SLC9A9: variants seen among roughly 807,000 people sequenced by gnomAD.
SLC9A9 encodes the protein solute carrier family 9 member A9.
Under a neutral mutation model 77.8 loss-of-function variants are expected in SLC9A9, and 62 were observed. The ratio of observed to expected loss-of-function variants is 0.80; its 90% CI spans 0.65 to 0.98. The LOEUF is 0.98. Ranked by LOEUF, SLC9A9 falls within the 50% of genes least tolerant of loss-of-function variation. SLC9A9 has a pLI of 0.00. For synonymous variants in SLC9A9, 320 were observed against 283.5 expected, an observed-to-expected ratio of 1.13 and a Z score of -1.29; for missense variants, 775 against 774.9, an observed-to-expected ratio of 1.00 and a Z score of 0.00.
At chr3:143,846,730 G>A (rs888523232) in intron 1 of SLC9A9, among the ~76,000 whole-genome samples, 5 of 13,106 alleles carry the variant, frequency 3.8e-4, no homozygotes, top group Non-Finnish European at 8.2e-4. Flanking sequence ...AGCAAAAAAA[G>A]GTTTTTTTTT....
At chr3:143,625,717 T>C (rs556426080) in intron 6 of SLC9A9, among the ~76,000 whole-genome samples, 2 of 152,314 alleles carry the variant, frequency 1.3e-5, no homozygotes, top group East Asian at 1.9e-4. Context: ...AAAGACTTCA[T>C]GTCTAAAACA....
chr3:143,822,186 C>A (rs1293191688), intron 2 of SLC9A9, among the ~76,000 whole-genome samples: 2 of 152,190 alleles, frequency 1.3e-5, no homozygotes, highest in Non-Finnish European at 2.9e-5. Flanking sequence ...GTTGGGCCTG[C>A]ATCTCAGCTT....
At position 143,461,111 on chromosome 3, in the gene SLC9A9, A is replaced by G. The variant is rs1049134875; in HGVS notation, c.1469+5926T>C. 2.6e-5 allele frequency among the ~76,000 whole-genome samples: 4 copies of G among 152,230 alleles called. No homozygotes were observed. In the East Asian group the frequency reaches 7.7e-4, roughly 29 times the overall value. On this transcript the variant is annotated intron_variant, in intron 12 of 15. Coordinates refer to ENST00000316549, the MANE Select transcript of SLC9A9 (RefSeq NM_173653.4). The stretch of plus-strand genomic sequence containing the variant: ...AATATAATACAATCAATACAGCTTG[A>G]TGAAATGTTACAAATTAAATATCTA...
At chr3:143,780,941 G>T (rs2007853600) in intron 4 of SLC9A9, among the ~76,000 whole-genome samples, 1 of 152,046 alleles carries the variant, frequency 6.6e-6, no homozygotes, top group Non-Finnish European at 1.5e-5. Flanking sequence ...TTTTTTAGTT[G>T]TTTTAGGCTT....
intron 4 of SLC9A9, among the ~76,000 whole-genome samples, chr3:143,694,476 A>G (rs986248956): frequency 2.6e-5 from 4 of 152,172 alleles, no homozygotes; most frequent in South Asian, 4.1e-4. Flanking sequence ...CAAATTCTCA[A>G]TGAGGTCACT....
intron 4 of SLC9A9, among the ~76,000 whole-genome samples, chr3:143,718,422 T>C (rs1302911406): frequency 6.6e-6 from 1 of 152,292 alleles, no homozygotes; most frequent in Admixed American, 6.5e-5. Flanking sequence ...ACCAACAGCA[T>C]CCTCACAGAA....
intron 5 of SLC9A9, among the ~76,000 whole-genome samples, chr3:143,664,201 C>A (rs544358040): frequency 4.6e-5 from 7 of 152,284 alleles, no homozygotes; most frequent in African/African-American, 1.7e-4. Context: ...AAAGAATTTT[C>A]AACCCAGAAT....
chr3:143,425,646 A>G (rs1295479199), intron 12 of SLC9A9, among the ~76,000 whole-genome samples: 1 of 152,168 alleles, frequency 6.6e-6, no homozygotes, highest in Non-Finnish European at 1.5e-5. Flanking sequence ...ATATTTTGCA[A>G]GTCCTTTTTG....
At chr3:143,640,070 G>A (rs1398474804) in intron 6 of SLC9A9, among the ~76,000 whole-genome samples, 2 of 139,720 alleles carry the variant, frequency 1.4e-5, no homozygotes, top group Admixed American at 7.7e-5. Flanking sequence ...CACCCAGGCT[G>A]GAGTGCAGTG....
chr3:143,531,453 A>G (rs896697576), intron 9 of SLC9A9, among the ~76,000 whole-genome samples: 4 of 152,258 alleles, frequency 2.6e-5, no homozygotes, highest in African/African-American at 9.6e-5. Context: ...TAAAACCATG[A>G]GCCATCACAG....
intron 9 of SLC9A9, among the ~76,000 whole-genome samples, chr3:143,551,003 A>C (rs891760360): frequency 6.6e-6 from 1 of 152,214 alleles, no homozygotes; most frequent in African/African-American, 2.4e-5. Flanking sequence ...TTGTAAATGT[A>C]ATCAGCTAAG....
At chr3:143,396,282 A>T in intron 12 of SLC9A9, among the ~76,000 whole-genome samples, 1 of 152,242 alleles carries the variant, frequency 6.6e-6, no homozygotes, top group Non-Finnish European at 1.5e-5. Context: ...AAAAATGATG[A>T]GTTCCTGTCC....
chr3:143,654,351 C>T (rs919266090), intron 5 of SLC9A9, among the ~76,000 whole-genome samples: 2 of 152,096 alleles, frequency 1.3e-5, no homozygotes, highest in African/African-American at 4.8e-5. Flanking sequence ...TGGCCAGATC[C>T]CATTTTATCA....
intron 12 of SLC9A9, among the ~76,000 whole-genome samples, chr3:143,409,640 T>C (rs180705637): frequency 1.3e-3 from 192 of 152,358 alleles, no homozygotes; most frequent in Non-Finnish European, 2.2e-3. Context: ...AAGCACAGGA[T>C]AGAAGCGATT....
intron 8 of SLC9A9, among the ~76,000 whole-genome samples, chr3:143,568,554 G>A (rs1477212790): frequency 6.6e-6 from 1 of 152,124 alleles, no homozygotes; most frequent in Admixed American, 6.6e-5. Context: ...TTGACGTATG[G>A]ATCTGCTGTG....
At chr3:143,542,910 G>A (rs1057090419) in intron 9 of SLC9A9, among the ~76,000 whole-genome samples, 5 of 152,182 alleles carry the variant, frequency 3.3e-5, no homozygotes, top group African/African-American at 4.8e-5. Context: ...TATGTCTGGA[G>A]TCACAGAAGG....
At chr3:143,667,232 A>C (rs1047417408) in intron 5 of SLC9A9, among the ~76,000 whole-genome samples, 1 of 152,268 alleles carries the variant, frequency 6.6e-6, no homozygotes, top group Admixed American at 6.5e-5. Flanking sequence ...AAATGGGGAA[A>C]GGATTCCCTA....
At chr3:143,308,289 G>T (rs1294549758) in intron 14 of SLC9A9, among the ~76,000 whole-genome samples, 1 of 152,082 alleles carries the variant, frequency 6.6e-6, no homozygotes, top group African/African-American at 2.4e-5. Context: ...AAAAATTAAG[G>T]ATTTCAGCCA....
chr3:143,838,524 A>G (rs2009630078), intron 1 of SLC9A9, among the ~76,000 whole-genome samples: 1 of 152,152 alleles, frequency 6.6e-6, no homozygotes, highest in African/African-American at 2.4e-5. Flanking sequence ...GCATTTAGAG[A>G]TAATTATTTG....
Sources: allele counts gnomAD v4.1 joint callset (sites outside exome capture counted in the v4.1 genomes callset), GRCh38; gene constraint gnomAD v4.1.1; transcripts MANE v1.5; gene names NCBI Gene and HGNC (gene_info 2026-07-23, HGNC 2026-07-21).